LRRFIP2: variants seen among roughly 807,000 people sequenced by gnomAD.
LRRFIP2 encodes the protein leucine-rich repeat flightless-interacting protein 2.
In LRRFIP2, 109 loss-of-function variants were observed where a neutral mutation model predicts 125.9. That is an observed-to-expected ratio of 0.87 (90% CI 0.74 to 1.01). LRRFIP2 has a LOEUF of 1.01. Among genes scored for constraint, LRRFIP2 ranks in the 50% least tolerant of loss-of-function variants. The probability of loss-of-function intolerance (pLI) is 0.00; values close to 1 mark genes in which losing one functional copy is unlikely to be tolerated. For synonymous variants in LRRFIP2, 291 were observed against 293.1 expected, an observed-to-expected ratio of 0.99 and a Z score of 0.07; for missense variants, 850 against 862.3, an observed-to-expected ratio of 0.99 and a Z score of 0.18.
intron 15 of LRRFIP2, 43 bp downstream of exon 15, chr3:37,102,881 A>G: frequency 7.8e-7 from 1 of 1,275,760 alleles, no homozygotes; most frequent in Non-Finnish European, 1.1e-6. Flanking sequence ...GTTAGTCACA[A>G]GCCTGGGACA....
At chr3:37,166,886 C>T (rs577123240) in intron 1 of LRRFIP2, among the ~76,000 whole-genome samples, 5 of 151,732 alleles carry the variant, frequency 3.3e-5, no homozygotes, top group South Asian at 2.1e-4. Flanking sequence ...GACATGGTGG[C>T]GCATGCCTGT....
At chr3:37,072,513 A>AG (rs1420751437) in intron 21 of LRRFIP2, among the ~76,000 whole-genome samples, 2 of 151,042 alleles carry the variant, frequency 1.3e-5, no homozygotes, top group African/African-American at 4.9e-5. Context: ...AAAAAAAAAA[A>AG]AAAAAAAAAA....
intron 17 of LRRFIP2, among the ~76,000 whole-genome samples, chr3:37,091,879 A>G (rs988168215): frequency 6.6e-6 from 1 of 152,258 alleles, no homozygotes; most frequent in Admixed American, 6.5e-5. Flanking sequence ...TTAATATTTT[A>G]TAAATCACTT....
chr3:37,124,795 T>C (rs2095211626), intron 4 of LRRFIP2, among the ~76,000 whole-genome samples: 1 of 152,218 alleles, frequency 6.6e-6, no homozygotes, highest in African/African-American at 2.4e-5. Flanking sequence ...TCAGAGATTC[T>C]TCCTTCTCTG....
chr3:37,158,200 G>C (rs535217228), intron 1 of LRRFIP2, among the ~76,000 whole-genome samples: 6 of 152,278 alleles, frequency 3.9e-5, no homozygotes, highest in African/African-American at 1.4e-4. Context: ...CATTCAAATA[G>C]CCTCCTTTCT....
intron 2 of LRRFIP2, among the ~76,000 whole-genome samples, chr3:37,141,017 C>T (rs976122399): frequency 6.6e-6 from 1 of 152,106 alleles, no homozygotes; most frequent in African/African-American, 2.4e-5. Context: ...ACCCCCATCT[C>T]TACAAAAAAT....
intron 24 of LRRFIP2, among the ~76,000 whole-genome samples, chr3:37,061,627 A>C (rs2088770916): frequency 6.6e-6 from 1 of 151,302 alleles, no homozygotes; most frequent in Non-Finnish European, 1.5e-5. Flanking sequence ...CCTGACCTCA[A>C]CCACCTGCCT....
intron 10 of LRRFIP2, 29 bp from the exon 11 acceptor site, chr3:37,109,600 A>G (rs764013243): frequency 1.2e-6 from 2 of 1,613,646 alleles, no homozygotes; most frequent in South Asian, 2.2e-5. Flanking sequence ...ATTAAACCCC[A>G]AAAAAAGCAA....
intron 1 of LRRFIP2, among the ~76,000 whole-genome samples, chr3:37,156,547 GC>G (rs1560115159): frequency 6.6e-6 from 1 of 151,066 alleles, no homozygotes; most frequent in Non-Finnish European, 1.5e-5. Context: ...GGTGGCAGGC[GC>G]CTGTAGTCCC....
intron 18 of LRRFIP2, 77 bp from the exon 19 acceptor site, chr3:37,083,883 A>ACC: frequency 9.4e-7 from 1 of 1,062,926 alleles, no homozygotes. Flanking sequence ...AAATTATAGC[A>ACC]CTGCCACAAA....
chr3:37,132,867 A>G (rs193221410), intron 2 of LRRFIP2, among the ~76,000 whole-genome samples: 5 of 152,366 alleles, frequency 3.3e-5, no homozygotes, highest in African/African-American at 7.2e-5. Flanking sequence ...TCATTTTAAT[A>G]TACACCTCAT....
chr3:37,097,638 C>T (rs2093792564), intron 15 of LRRFIP2, among the ~76,000 whole-genome samples: 1 of 152,122 alleles, frequency 6.6e-6, no homozygotes, highest in Admixed American at 6.5e-5. Flanking sequence ...GTTATCTCAA[C>T]TTGCCACAAT....
chr3:37,108,216 T>C, intron 12 of LRRFIP2, 87 bp from the exon 13 acceptor site: 1 of 1,040,266 alleles, frequency 9.6e-7, no homozygotes, highest in Non-Finnish European at 1.5e-6. Context: ...TTACCTAACT[T>C]GCCCCTGGTT....
intron 16 of LRRFIP2, among the ~76,000 whole-genome samples, chr3:37,096,239 A>C (rs2093711606): frequency 6.6e-6 from 1 of 152,176 alleles, no homozygotes. Flanking sequence ...GAAAGGAGTT[A>C]TTTTACTTCA....
At chr3:37,085,735 C>A (rs1482405954) in intron 18 of LRRFIP2, among the ~76,000 whole-genome samples, 1 of 151,836 alleles carries the variant, frequency 6.6e-6, no homozygotes, top group Middle Eastern at 3.2e-3. Context: ...GCACACATCA[C>A]CACTCCCGGC....
Position 37,147,469 on chromosome 3 carries a change from T to C in LRRFIP2, c.90+1425A>G, listed in dbSNP as rs368467191. On this transcript the variant is annotated intron_variant, in intron 2 of 27. Coordinates refer to ENST00000336686, the MANE Select transcript of LRRFIP2 (RefSeq NM_006309.4). ...CCCAAACGCTCTCATTGATTTTTAA[T>C]GTATTTTTGTTATAGTAATATCACA... Among the ~76,000 whole-genome samples, 35 of 152,334 alleles carry C rather than the reference T, an allele frequency of 2.3e-4. 1 individual carries two copies. The highest frequency in any genetic ancestry group is 9.8e-4 in the Admixed American group (15 of 15,290).
chr3:37,058,675 CAAAAAAAAAA>C (rs58404365), intron 25 of LRRFIP2, 105 bp downstream of exon 25: 1 of 838,026 alleles, frequency 1.2e-6, no homozygotes, highest in Non-Finnish European at 1.7e-6. Context: ...ACTCCCATCT[CAAAAAAAAAA>C]AAAAAAGAAA....
In LRRFIP2 at chr3:37,109,567, G is replaced by A. The variant is rs755790462; in HGVS notation, c.569C>T (p.Ser190Phe). 1.9e-6 allele frequency: 3 copies of A among 1,614,056 alleles called. No individual in the cohort carries two copies. Among genetic ancestry groups the A allele is most frequent in the Non-Finnish European group, 1.7e-6 (2 of 1,179,950 alleles). ...CAGCAGACCAGAATTTGCAGTAGGA[G>A]AGGCCTAAGAAAAAAGTGTATTATT... ...PLATYKSDRASPTANSGLLRS... is the reference protein window; with the variant it reads ...PLATYKSDRAFPTANSGLLRS... The change falls in exon 11 of 28, where the codon TCT becomes TTT. Residue 190 changes from serine to phenylalanine, a missense_variant. Physicochemically the swap from Ser to Phe is radical, Grantham distance 155. Coordinates refer to ENST00000336686, the MANE Select transcript of LRRFIP2 (RefSeq NM_006309.4).
chr3:37,066,358 G>T, intron 21 of LRRFIP2, 33 bp from the exon 22 acceptor site: 1 of 1,545,778 alleles, frequency 6.5e-7, no homozygotes, highest in South Asian at 1.1e-5. Flanking sequence ...GGGAAACAAT[G>T]GCACAGAAAA....
Sources: gnomAD v4.1 joint callset for allele counts (sites outside exome capture counted in the v4.1 genomes callset) on GRCh38, gnomAD v4.1.1 for gene constraint, MANE v1.5 for transcripts, NCBI Gene and HGNC (gene_info 2026-07-23, HGNC 2026-07-21) for gene names.